BDH2: variants seen among roughly 807,000 people sequenced by gnomAD.
The protein encoded by BDH2 is 3-hydroxybutyrate dehydrogenase 2.
In BDH2, 24 loss-of-function variants were observed where a neutral mutation model predicts 33.2. That is an observed-to-expected ratio of 0.72 (90% CI 0.52 to 1.02). BDH2 has a LOEUF of 1.02. Ranked by LOEUF, BDH2 falls within the 50% of genes least tolerant of loss-of-function variation. BDH2 has a pLI of 0.00. For missense variants in BDH2, 249 were observed against 301.6 expected, an observed-to-expected ratio of 0.83 and a Z score of 1.29; for synonymous variants, 81 against 101.6, an observed-to-expected ratio of 0.80 and a Z score of 1.22.
chr4:103,088,348 C>G (rs1413721144), intron 5 of BDH2, among the ~76,000 whole-genome samples: 1 of 152,216 alleles, frequency 6.6e-6, no homozygotes, highest in African/African-American at 2.4e-5. Context: ...GGTTCAATCT[C>G]TAGTCCTCTC....
intron 5 of BDH2, among the ~76,000 whole-genome samples, chr4:103,090,414 G>A (rs1169535931): frequency 6.6e-6 from 1 of 152,212 alleles, no homozygotes; most frequent in Non-Finnish European, 1.5e-5. Flanking sequence ...TCTCTCACCT[G>A]CCCAGTACCA....
intron 6 of BDH2, chr4:103,085,884 G>A: frequency 8.3e-7 from 1 of 1,201,372 alleles, no homozygotes; most frequent in Non-Finnish European, 1.1e-6. Context: ...TATCTCAGCA[G>A]TAACTATTTC....
At chr4:103,097,159 C>G (rs1748451169) in intron 1 of BDH2, among the ~76,000 whole-genome samples, 1 of 151,948 alleles carries the variant, frequency 6.6e-6, no homozygotes, top group African/African-American at 2.4e-5. Context: ...GATGAGGAAA[C>G]TGCTGAAACA....
Position 103,092,647 on chromosome 4 carries a change from C to T in BDH2, c.201G>A (p.Gln67=), listed in dbSNP as rs1365172446. ...LDVTKKKQID[Q]FANEVERLDV... ...CAAGTCTCTCAACTTCATTGGCAAA[C>T]TGATCAATTTGTTTCTTCTTTGTGA... Residue 67 remains glutamine, a synonymous_variant, in exon 4 of 10, where the codon CAG becomes CAA. Coordinates refer to ENST00000296424, the MANE Select transcript of BDH2 (RefSeq NM_020139.4). 1.2e-6 allele frequency: 2 copies of T among 1,613,124 alleles called. No individual in the cohort carries two copies. Among genetic ancestry groups the T allele is most frequent in the Non-Finnish European group, 1.7e-6 (2 of 1,179,410 alleles).
At chr4:103,085,105 A>G (rs1747713549) in intron 7 of BDH2, among the ~76,000 whole-genome samples, 1 of 152,172 alleles carries the variant, frequency 6.6e-6, no homozygotes, top group South Asian at 2.1e-4. Flanking sequence ...ACACCCCTAT[A>G]GTTATTAAGA....
chr4:103,083,072 C>T, intron 7 of BDH2, 143 bp from the exon 8 acceptor site: 1 of 710,472 alleles, frequency 1.4e-6, no homozygotes, highest in South Asian at 1.7e-5. Flanking sequence ...TGCCTGAGGC[C>T]TCTTATTTAA....
chr4:103,084,463 T>C (rs1315128930), intron 7 of BDH2, among the ~76,000 whole-genome samples: 2 of 152,212 alleles, frequency 1.3e-5, no homozygotes, highest in African/African-American at 4.8e-5. Flanking sequence ...TCACAGCTAG[T>C]TCCTTGTTCC....
At chr4:103,096,321 G>A (rs1483070461) in intron 1 of BDH2, 47 bp from the exon 2 acceptor site, 3 of 1,240,124 alleles carry the variant, frequency 2.4e-6, no homozygotes, top group Non-Finnish European at 3.5e-6. Context: ...ACATGATCTT[G>A]AGCAGGCAGT....
intron 5 of BDH2, among the ~76,000 whole-genome samples, chr4:103,089,084 T>C (rs1747945104): frequency 6.6e-6 from 1 of 152,196 alleles, no homozygotes; most frequent in South Asian, 2.1e-4. Context: ...TGTGTATCTA[T>C]CCATGAATAA....
chr4:103,095,265 C>G lies in BDH2; in HGVS notation c.89G>C (p.Gly30Ala). 6.2e-7 allele frequency: 1 copy of G among 1,613,598 alleles called. No homozygotes were observed. ...QAAALAFARE[G>A]AKVIATDINE... ...AATGTCTGTGGCTATGACTTTGGCACCTTCTCTTGCAAAAGCCTAGTAGAC... is the reference window on the plus strand; with the variant it reads ...AATGTCTGTGGCTATGACTTTGGCAGCTTCTCTTGCAAAAGCCTAGTAGAC... Residue 30 changes from glycine to alanine, a missense_variant, in exon 3 of 10, where the codon GGT becomes GCT. Physicochemically the swap from Gly to Ala is moderately conservative, Grantham distance 60. Coordinates refer to ENST00000296424, the MANE Select transcript of BDH2 (RefSeq NM_020139.4).
At chr4:103,096,121 C>A in intron 2 of BDH2, 62 bp downstream of exon 2, 2 of 1,212,422 alleles carry the variant, frequency 1.6e-6, no homozygotes, top group Non-Finnish European at 2.4e-6. Context: ...GGCATCAGTC[C>A]ACATAATTCA....
intron 5 of BDH2, among the ~76,000 whole-genome samples, chr4:103,087,956 T>C (rs56126326): frequency 0.22 from 33,375 of 151,996 alleles, 3,944 homozygotes; most frequent in Middle Eastern, 0.32. Flanking sequence ...ATGATTGATT[T>C]CTTAGGATAT....
chr4:103,086,332 A>G, intron 6 of BDH2, 148 bp downstream of exon 6: 6 of 1,353,876 alleles, frequency 4.4e-6, no homozygotes, highest in Non-Finnish European at 5.7e-6. Context: ...TCTGTGGTTA[A>G]GGAACTTAAT....
intron 4 of BDH2, chr4:103,091,755 A>AAG: frequency 2.2e-6 from 1 of 455,942 alleles, no homozygotes; most frequent in Non-Finnish European, 4.4e-6. Context: ...AGAAAAAAAA[A>AAG]AGAGAGAGAG....
intron 1 of BDH2, among the ~76,000 whole-genome samples, chr4:103,097,403 AGT>A (rs1190233836): frequency 6.6e-6 from 1 of 152,212 alleles, no homozygotes; most frequent in Non-Finnish European, 1.5e-5. Context: ...TAGATCACAA[AGT>A]GAGAGAAAGA....
intron 4 of BDH2, 88 bp from the exon 5 acceptor site, chr4:103,091,373 C>CAA: frequency 2.6e-6 from 2 of 774,550 alleles, no homozygotes; most frequent in Non-Finnish European, 4.5e-6. Context: ...CACTTAGTGA[C>CAA]TTAGACCACT....
intron 2 of BDH2, among the ~76,000 whole-genome samples, 179 bp from the exon 3 acceptor site, chr4:103,095,460 T>G (rs1748356474): frequency 6.6e-6 from 1 of 152,176 alleles, no homozygotes. Flanking sequence ...ATTTTTATCA[T>G]TAATTAGAAC....
chr4:103,082,038 T>A lies in BDH2; in HGVS notation c.684+43A>T, dbSNP rs140261968. 3,864 of 1,521,764 alleles carry A rather than the reference T, an allele frequency of 2.5e-3. 96 individuals carry two copies. Among genetic ancestry groups the A allele is most frequent in the Non-Finnish European group, 3.1e-4 (344 of 1,096,852 alleles). 94.3% of individuals were successfully genotyped at this position (1,521,764 alleles called of 1,614,324 possible). A position where few individuals can be genotyped will look rare whatever the true frequency, so the allele number is the denominator to read the frequency against. The stretch of plus-strand genomic sequence containing the variant: ...TTTTGATGAGCAAATTGTGGCCAAA[T>A]GTGATTGAGGGTAATGAACTCCTTG... On this transcript the variant is annotated intron_variant, in intron 9 of 9. Transcript: ENST00000296424.
At position 103,078,155 on chromosome 4, in the gene BDH2, G is replaced by T. The variant is rs1202152405; in HGVS notation, c.*1547C>A. Among the ~76,000 whole-genome samples, 1 of 151,994 alleles carries T rather than the reference G, an allele frequency of 6.6e-6. No individual in the cohort carries two copies. The highest frequency in any genetic ancestry group is 2.4e-5 in the African/African-American group (1 of 41,370). ...GCATCATACCATTTGGTCATTTGAG[G>T]TTGCAACAAGTAAAAAACAAACATA... On this transcript the variant is annotated 3_prime_UTR_variant, in exon 10 of 10. Transcript: ENST00000296424.
Sources: gnomAD v4.1 joint callset for allele counts (sites outside exome capture counted in the v4.1 genomes callset) on GRCh38, gnomAD v4.1.1 for gene constraint, MANE v1.5 for transcripts, NCBI Gene and HGNC (gene_info 2026-07-23, HGNC 2026-07-21) for gene names.